Variants in SYNDIG1 observed in about 807,000 individuals in gnomAD.
The protein encoded by SYNDIG1 is synapse differentiation-inducing gene protein 1.
In SYNDIG1, 9 loss-of-function variants were observed where a neutral mutation model predicts 19.4. That is an observed-to-expected ratio of 0.46 (90% CI 0.28 to 0.81). SYNDIG1 has a LOEUF of 0.81. Among genes scored for constraint, SYNDIG1 ranks in the 30% least tolerant of loss-of-function variants. The pLI is 0.12. For missense variants in SYNDIG1, 311 were observed against 343.3 expected, an observed-to-expected ratio of 0.91 and a Z score of 0.74; for synonymous variants, 141 against 145.9, an observed-to-expected ratio of 0.97 and a Z score of 0.24.
In SYNDIG1 at chr20:24,587,643, C is replaced by T. The variant is rs116352393; in HGVS notation, c.618+2650C>T. Among the ~76,000 whole-genome samples, 382 of 152,344 alleles carry T rather than the reference C, an allele frequency of 2.5e-3. 1 individual carries two copies. The highest frequency in any genetic ancestry group is 8.8e-3 in the African/African-American group (366 of 41,590). On this transcript the variant is annotated intron_variant, in intron 3 of 3. Transcript: ENST00000376862. ...TAAATTAAATCAGTGCTTTCCTAAG[C>T]GAGGCCAGCTGGGAGTGCGAAGCCC...
At chr20:24,496,773 T>G (rs1381674191) in intron 1 of SYNDIG1, among the ~76,000 whole-genome samples, 1 of 152,234 alleles carries the variant, frequency 6.6e-6, no homozygotes, top group Admixed American at 6.5e-5. Context: ...CTATATCCCC[T>G]GACACAATAT....
Position 24,470,698 on chromosome 20 carries a change from TGAG to T in SYNDIG1, c.-79+950_-79+952del, listed in dbSNP as rs1287435303. Among the ~76,000 whole-genome samples the T allele has an allele frequency of 3.9e-5, 6 of 152,282 alleles. No individual in the cohort carries two copies. The South Asian group carries it at 1.2e-3, about 32-fold the overall frequency. ...TAGAGTGGCTCTGGCAGCCGAGCTT[TGAG>T]GAGGCGGCCAGAGGGGCCGCTTGGC... On this transcript the variant is annotated intron_variant, in intron 1 of 3. Transcript: ENST00000376862.
chr20:24,541,112 A>G (rs1388580401), intron 1 of SYNDIG1, among the ~76,000 whole-genome samples: 2 of 152,234 alleles, frequency 1.3e-5, no homozygotes, highest in African/African-American at 4.8e-5. Flanking sequence ...TTCCTTGCTC[A>G]ATCACCCCAT....
chr20:24,613,632 C>T (rs779204370), intron 3 of SYNDIG1, among the ~76,000 whole-genome samples: 20 of 152,088 alleles, frequency 1.3e-4, no homozygotes, highest in East Asian at 7.7e-4. Context: ...CCCTCCTGAC[C>T]GTGTGCCAGG....
At chr20:24,485,154 A>C (rs1443727360) in intron 1 of SYNDIG1, among the ~76,000 whole-genome samples, 1 of 152,208 alleles carries the variant, frequency 6.6e-6, no homozygotes, top group African/African-American at 2.4e-5. Flanking sequence ...TACAGAACTG[A>C]GCTAAATAAA....
At chr20:24,505,966 T>C (rs2056581370) in intron 1 of SYNDIG1, among the ~76,000 whole-genome samples, 1 of 152,246 alleles carries the variant, frequency 6.6e-6, no homozygotes, top group Admixed American at 6.5e-5. Context: ...AAATGGTTTC[T>C]TTGTAACTGG....
chr20:24,615,244 G>A (rs1376873674), intron 3 of SYNDIG1, among the ~76,000 whole-genome samples: 3 of 152,178 alleles, frequency 2.0e-5, no homozygotes, highest in Non-Finnish European at 4.4e-5. Context: ...CAACACCCAT[G>A]TGAAATGAAA....
intron 3 of SYNDIG1, among the ~76,000 whole-genome samples, chr20:24,596,058 C>T: frequency 6.6e-6 from 1 of 152,084 alleles, no homozygotes; most frequent in East Asian, 1.9e-4. Context: ...AAGTTGTTAA[C>T]TTGGGATCTT....
intron 1 of SYNDIG1, among the ~76,000 whole-genome samples, chr20:24,497,004 T>G (rs2056319884): frequency 6.6e-6 from 1 of 152,256 alleles, no homozygotes; most frequent in Admixed American, 6.5e-5. Flanking sequence ...ACAGTAGTAC[T>G]AATACCATTT....
At chr20:24,477,577 C>T (rs2055670670) in intron 1 of SYNDIG1, among the ~76,000 whole-genome samples, 1 of 152,162 alleles carries the variant, frequency 6.6e-6, no homozygotes, top group Non-Finnish European at 1.5e-5. Context: ...ATCAGAGAGC[C>T]AAGCTGTAAC....
chr20:24,525,410 G>A (rs1335234936), intron 1 of SYNDIG1, among the ~76,000 whole-genome samples: 3 of 150,302 alleles, frequency 2.0e-5, no homozygotes, highest in Non-Finnish European at 4.4e-5. Context: ...TCCACCTCCC[G>A]AGTAGCTGGA....
At chr20:24,578,124 G>A (rs1194510584) in intron 2 of SYNDIG1, among the ~76,000 whole-genome samples, 1 of 152,234 alleles carries the variant, frequency 6.6e-6, no homozygotes, top group East Asian at 1.9e-4. Flanking sequence ...AAAATGTGCA[G>A]ATTTCTGCCC....
At chr20:24,643,450 A>T (rs954547361) in intron 3 of SYNDIG1, among the ~76,000 whole-genome samples, 2 of 152,172 alleles carry the variant, frequency 1.3e-5, no homozygotes, top group African/African-American at 2.4e-5. Flanking sequence ...TGCCGTGTTC[A>T]TGAGAAGTAA....
At chr20:24,513,393 T>C (rs931170530) in intron 1 of SYNDIG1, among the ~76,000 whole-genome samples, 1 of 152,124 alleles carries the variant, frequency 6.6e-6, no homozygotes, top group Non-Finnish European at 1.5e-5. Context: ...CTTAGCTGAA[T>C]GGCTAACTAG....
chr20:24,532,272 C>G (rs1241908254), intron 1 of SYNDIG1, among the ~76,000 whole-genome samples: 1 of 152,198 alleles, frequency 6.6e-6, no homozygotes, highest in East Asian at 1.9e-4. Context: ...AAGGTAAACA[C>G]AGTGCAGTGC....
chr20:24,661,890 G>A (rs2059608036), intron 3 of SYNDIG1, among the ~76,000 whole-genome samples: 2 of 152,102 alleles, frequency 1.3e-5, no homozygotes. Context: ...GTGACCAATG[G>A]GCAGGGTGGG....
chr20:24,592,216 G>A (rs937153823), intron 3 of SYNDIG1, among the ~76,000 whole-genome samples: 1 of 152,158 alleles, frequency 6.6e-6, no homozygotes, highest in African/African-American at 2.4e-5. Context: ...TGCAAAGGTG[G>A]AGGGAACAAT....
At chr20:24,485,224 C>CTAAG (rs1341294373) in intron 1 of SYNDIG1, among the ~76,000 whole-genome samples, 2 of 152,194 alleles carry the variant, frequency 1.3e-5, no homozygotes, top group African/African-American at 4.8e-5. Context: ...ACAAAACAGA[C>CTAAG]TAAGACACAT....
intron 3 of SYNDIG1, 100 bp downstream of exon 3, chr20:24,585,093 A>C (rs964632347): frequency 6.9e-7 from 1 of 1,452,246 alleles, no homozygotes; most frequent in Non-Finnish European, 9.4e-7. Flanking sequence ...GGAAGCCCAA[A>C]CAGCTCCTGC....
Sources: gnomAD v4.1 joint callset for allele counts (sites outside exome capture counted in the v4.1 genomes callset) on GRCh38, gnomAD v4.1.1 for gene constraint, MANE v1.5 for transcripts, NCBI Gene and HGNC (gene_info 2026-07-23, HGNC 2026-07-21) for gene names.